The following PCDHA9 variants were observed in gnomAD, a reference collection of about 807,000 sequenced individuals.
PCDHA9 encodes protocadherin alpha 9.
PCDHA9 carries 62 observed loss-of-function variants against 62.0 expected under a neutral mutation model. The observed-to-expected ratio is 1.00, with a 90% CI of 0.81 to 1.23. The LOEUF is 1.23. Ranked by LOEUF, PCDHA9 falls within the 50% of genes most tolerant of loss-of-function variation. The probability of loss-of-function intolerance (pLI) is 0.00; values close to 1 mark genes in which losing one functional copy is unlikely to be tolerated. For missense variants in PCDHA9, 1,205 were observed against 1,249.8 expected, an observed-to-expected ratio of 0.96 and a Z score of 0.54; for synonymous variants, 557 against 567.6, an observed-to-expected ratio of 0.98 and a Z score of 0.27.
chr5:140,992,465 C>G (rs1554252929), intron 3 of PCDHA9, among the ~76,000 whole-genome samples: 2 of 152,162 alleles, frequency 1.3e-5, no homozygotes. Flanking sequence ...GGACAGTACT[C>G]TTTAGATCAC....
At chr5:140,952,794 G>T (rs2094798904) in intron 1 of PCDHA9, among the ~76,000 whole-genome samples, 1 of 152,140 alleles carries the variant, frequency 6.6e-6, no homozygotes, top group Admixed American at 6.5e-5. Context: ...GGTTTAACTG[G>T]CTCGCAGTTC....
intron 1 of PCDHA9, among the ~76,000 whole-genome samples, chr5:140,921,037 T>C (rs2079983245): frequency 1.3e-5 from 2 of 151,986 alleles, no homozygotes; most frequent in Admixed American, 1.3e-4. Context: ...TGGGGTGCAG[T>C]GGGGCAATCA....
chr5:140,978,036 C>T (rs1460377915), intron 1 of PCDHA9, among the ~76,000 whole-genome samples: 22 of 152,268 alleles, frequency 1.4e-4, no homozygotes, highest in Admixed American at 1.4e-3. Context: ...TGATACAAGA[C>T]AGTGATGGTG....
At chr5:140,957,398 TTTA>T (rs2095356378) in intron 1 of PCDHA9, among the ~76,000 whole-genome samples, 1 of 152,304 alleles carries the variant, frequency 6.6e-6, no homozygotes, top group South Asian at 2.1e-4. Context: ...ATTGTCCTAA[TTTA>T]TTATTATTGT....
chr5:140,857,017 T>C (rs1432761936), intron 1 of PCDHA9: 1 of 1,596,216 alleles, frequency 6.3e-7, no homozygotes, highest in African/African-American at 1.3e-5. Flanking sequence ...ATGTTACAGA[T>C]AAGGGAAACC....
chr5:140,914,377 G>C (rs2076685968), intron 1 of PCDHA9, among the ~76,000 whole-genome samples: 1 of 152,090 alleles, frequency 6.6e-6, no homozygotes, highest in Non-Finnish European at 1.5e-5. Flanking sequence ...TATTTTATCT[G>C]TTATAAGTGT....
chr5:140,997,357 A>G (rs1309712075), intron 3 of PCDHA9, among the ~76,000 whole-genome samples: 1 of 152,218 alleles, frequency 6.6e-6, no homozygotes, highest in Non-Finnish European at 1.5e-5. Flanking sequence ...ATGTACTTAC[A>G]TAAACCTAGA....
At chr5:140,861,374 T>C in intron 1 of PCDHA9, 1 of 409,110 alleles carries the variant, frequency 2.4e-6, no homozygotes, top group Middle Eastern at 9.4e-4. Context: ...CGGTCCCTAT[T>C]GCGCAGGACC....
intron 1 of PCDHA9, among the ~76,000 whole-genome samples, chr5:140,938,642 CCTT>C (rs1554212266): frequency 6.6e-6 from 1 of 151,942 alleles, no homozygotes; most frequent in East Asian, 1.9e-4. Flanking sequence ...GATGTATAAT[CCTT>C]CTTTATATCA....
chr5:140,906,593 T>C (rs2072768257), intron 1 of PCDHA9, among the ~76,000 whole-genome samples: 1 of 152,242 alleles, frequency 6.6e-6, no homozygotes, highest in Admixed American at 6.5e-5. Flanking sequence ...TACCTTCCTC[T>C]ACTACTCATT....
At position 140,850,719 on chromosome 5, in the gene PCDHA9, T is replaced by C; in HGVS notation, c.2224T>C (p.Ser742Pro). ...GCCTGGCAAGCCGACGCTGGTGTGT[T>C]CTAGCGCGGTGGGGAGTTGGTCGTA... The part of the protein sequence containing the change: ...CAPGKPTLVC[S>P]SAVGSWSYSQ... The change falls in exon 1 of 4, where the codon TCT becomes CCT. Residue 742 changes from serine to proline, a missense_variant. Physicochemically the swap from Ser to Pro is moderately conservative, Grantham distance 74 (BLOSUM62 -1). Coordinates refer to ENST00000532602, the MANE Select transcript of PCDHA9 (RefSeq NM_031857.2). 1 of 1,597,696 alleles carries C rather than the reference T, an allele frequency of 6.3e-7. No individual in the cohort carries two copies. Among genetic ancestry groups the C allele is most frequent in the Non-Finnish European group, 8.6e-7 (1 of 1,167,520 alleles).
intron 1 of PCDHA9, among the ~76,000 whole-genome samples, chr5:140,888,588 C>G (rs1419931317): frequency 6.6e-6 from 1 of 152,212 alleles, no homozygotes; most frequent in Non-Finnish European, 1.5e-5. Flanking sequence ...TGTTAGTACA[C>G]ATTCAGAGCA....
At chr5:140,967,591 G>A (rs1554229706) in intron 1 of PCDHA9, 1 of 1,614,154 alleles carries the variant, frequency 6.2e-7, no homozygotes, top group East Asian at 2.2e-5. Flanking sequence ...CAGGCACATT[G>A]GTGGTGAAGC....
intron 1 of PCDHA9, chr5:140,930,410 CAG>C (rs2086812971): frequency 6.7e-6 from 1 of 149,986 alleles, no homozygotes; most frequent in South Asian, 2.1e-4. Flanking sequence ...TTTTTTGAGA[CAG>C]GGGTCTCACT....
chr5:140,914,771 ACTTAT>A (rs1394572780), intron 1 of PCDHA9, among the ~76,000 whole-genome samples: 1 of 151,760 alleles, frequency 6.6e-6, no homozygotes, highest in Non-Finnish European at 1.5e-5. Context: ...GAGGTTTATG[ACTTAT>A]CTTATGACCC....
chr5:140,849,857 G>C lies in PCDHA9; in HGVS notation c.1362G>C (p.Ala454=), dbSNP rs781928576. The change falls in exon 1 of 4, where the codon GCG becomes GCC. Residue 454 remains alanine, a synonymous_variant. Coordinates refer to ENST00000532602, the MANE Select transcript of PCDHA9 (RefSeq NM_031857.2). ...EVADVNDNAP[A]FAQSEYTVFV... ...CCGACGTGAACGACAACGCACCAGC[G>C]TTCGCGCAGTCCGAGTACACGGTGT... is the stretch of plus-strand genomic sequence containing the variant. 6.3e-7 allele frequency: 1 copy of C among 1,598,626 alleles called. No homozygotes were observed. The highest frequency in any genetic ancestry group is 8.6e-7 in the Non-Finnish European group (1 of 1,167,990).
At chr5:140,986,460 G>A (rs1489873666) in intron 3 of PCDHA9, among the ~76,000 whole-genome samples, 1 of 152,176 alleles carries the variant, frequency 6.6e-6, no homozygotes, top group Admixed American at 6.5e-5. Flanking sequence ...TTTAATGAAT[G>A]CCCTCTTGTG....
intron 3 of PCDHA9, among the ~76,000 whole-genome samples, chr5:140,998,657 T>G (rs1252646330): frequency 6.6e-6 from 1 of 151,974 alleles, no homozygotes; most frequent in African/African-American, 2.4e-5. Flanking sequence ...CTCTGCCTCC[T>G]GGGTTCAAGT....
chr5:140,916,692 C>T (rs968252842), intron 1 of PCDHA9, among the ~76,000 whole-genome samples: 47 of 152,270 alleles, frequency 3.1e-4, no homozygotes, highest in African/African-American at 1.0e-3. Flanking sequence ...TCTTTTCTCT[C>T]CTCTCCTTAA....
Sources: gnomAD v4.1 joint callset for allele counts (sites outside exome capture counted in the v4.1 genomes callset) on GRCh38, gnomAD v4.1.1 for gene constraint, MANE v1.5 for transcripts, NCBI Gene and HGNC (gene_info 2026-07-23, HGNC 2026-07-21) for gene names.